Variants in CLSTN2 observed in about 807,000 individuals in gnomAD.
CLSTN2 encodes the protein calsyntenin-2.
CLSTN2 carries 48 observed loss-of-function variants against 101.2 expected under a neutral mutation model. The observed-to-expected ratio is 0.47, with a 90% CI of 0.38 to 0.60. CLSTN2 has a LOEUF of 0.60. CLSTN2 is among the 20% of genes least tolerant of loss of function. The pLI, the probability that CLSTN2 is intolerant of heterozygous loss-of-function variation, is 0.00. For synonymous variants in CLSTN2, 481 were observed against 463.6 expected (o/e 1.04, Z -0.48); for missense variants, 1,160 against 1,238.2 (o/e 0.94, Z 0.95).
chr3:140,053,788 G>A (rs1365629608), intron 1 of CLSTN2, among the ~76,000 whole-genome samples: 2 of 152,128 alleles, frequency 1.3e-5, no homozygotes, highest in Non-Finnish European at 2.9e-5. Context: ...GTGTGAAATG[G>A]AATCAATAAC....
intron 1 of CLSTN2, among the ~76,000 whole-genome samples, chr3:140,058,518 G>T (rs1008060603): frequency 6.6e-6 from 1 of 152,172 alleles, no homozygotes; most frequent in Non-Finnish European, 1.5e-5. Context: ...AGCTTGAGCT[G>T]GTTAAGTCTA....
At chr3:140,164,736 T>C (rs2010106709) in intron 1 of CLSTN2, among the ~76,000 whole-genome samples, 1 of 152,196 alleles carries the variant, frequency 6.6e-6, no homozygotes. Context: ...AGCCTTGCTC[T>C]TGGTTCAGAT....
chr3:140,443,516 G>T (rs1279559678), intron 5 of CLSTN2, among the ~76,000 whole-genome samples: 1 of 152,160 alleles, frequency 6.6e-6, no homozygotes, highest in East Asian at 1.9e-4. Flanking sequence ...ACAAAGAAGG[G>T]GTTTAAATCC....
intron 8 of CLSTN2, among the ~76,000 whole-genome samples, chr3:140,516,017 G>GT (rs1475349552): frequency 3.3e-5 from 5 of 152,148 alleles, no homozygotes; most frequent in Admixed American, 3.3e-4. Context: ...CGAAGCTGCA[G>GT]TGTTAGGTGC....
At chr3:140,230,441 A>T (rs564695224) in intron 2 of CLSTN2, among the ~76,000 whole-genome samples, 1 of 152,196 alleles carries the variant, frequency 6.6e-6, no homozygotes, top group Admixed American at 6.5e-5. Flanking sequence ...GTTTTTCCAA[A>T]ATTTATATGT....
At chr3:140,486,816 A>T (rs553660417) in intron 8 of CLSTN2, among the ~76,000 whole-genome samples, 102 of 152,360 alleles carry the variant, frequency 6.7e-4, no homozygotes, top group African/African-American at 2.4e-3. Context: ...TCACCTTCAA[A>T]CCCTGAATTG....
Position 140,403,818 on chromosome 3 carries a change from C to T in CLSTN2, c.422C>T (p.Ser141Leu), listed in dbSNP as rs1425897052. ...AGPHETAWKKSHKAVVHIQVK... is the reference protein window; with the variant it reads ...AGPHETAWKKLHKAVVHIQVK... ...CCCCACGAGACAGCCTGGAAAAAGT[C>T]ACACAAGTGAGTGGCCTGACAGAGC... is the stretch of plus-strand genomic sequence containing the variant. Residue 141 changes from serine to leucine, a missense_variant, in exon 3 of 17, where the codon TCA (serine) becomes TTA (leucine). By Grantham distance (145) the Ser-to-Leu change is moderately radical. Coordinates refer to ENST00000458420, the MANE Select transcript of CLSTN2 (RefSeq NM_022131.3). The T allele has an allele frequency of 2.5e-6, 4 of 1,609,122 alleles. No homozygotes were observed. Among genetic ancestry groups the T allele is most frequent in the Non-Finnish European group, 3.4e-6 (4 of 1,176,910 alleles).
chr3:140,079,912 A>G (rs932653786), intron 1 of CLSTN2, among the ~76,000 whole-genome samples: 1 of 152,234 alleles, frequency 6.6e-6, no homozygotes, highest in Non-Finnish European at 1.5e-5. Context: ...TTTCATGTTT[A>G]GGTCCAGTGC....
intron 2 of CLSTN2, among the ~76,000 whole-genome samples, chr3:140,386,036 C>T (rs2088048112): frequency 1.3e-5 from 2 of 152,182 alleles, no homozygotes; most frequent in South Asian, 4.1e-4. Context: ...GTTTCACCTT[C>T]AGCATGAAGG....
Position 140,385,712 on chromosome 3 carries a change from C to A in CLSTN2, c.233-17917C>A, listed in dbSNP as rs1468584091. On this transcript the variant is annotated intron_variant, in intron 2 of 16. Coordinates refer to ENST00000458420, the MANE Select transcript of CLSTN2 (RefSeq NM_022131.3). The stretch of plus-strand genomic sequence containing the variant: ...TAACCTTAAACCAGCAATTTCAGAG[C>A]GGGGCTTCTCTCTGCCTGAAGAGGC... Among the ~76,000 whole-genome samples, 3 of 152,034 alleles carry A rather than the reference C, an allele frequency of 2.0e-5. No homozygotes were observed. In the East Asian group the frequency reaches 5.8e-4, roughly 29 times the overall value.
intron 11 of CLSTN2, chr3:140,557,167 C>G (rs2107791634): frequency 6.5e-6 from 1 of 152,838 alleles, no homozygotes; most frequent in Non-Finnish European, 1.5e-5. Context: ...TTGGACAACT[C>G]ACTCACTGGC....
chr3:140,513,065 ATAACT>A, intron 8 of CLSTN2, among the ~76,000 whole-genome samples: 1 of 152,322 alleles, frequency 6.6e-6, no homozygotes, highest in South Asian at 2.1e-4. Flanking sequence ...GCAAGCAAAG[ATAACT>A]TGACTTCCTT....
chr3:140,286,051 A>G (rs1158542277), intron 2 of CLSTN2, among the ~76,000 whole-genome samples: 1 of 152,138 alleles, frequency 6.6e-6, no homozygotes, highest in African/African-American at 2.4e-5. Flanking sequence ...AGGCTCTAAG[A>G]TGAGCTACTT....
intron 2 of CLSTN2, among the ~76,000 whole-genome samples, chr3:140,318,624 G>A (rs2087252850): frequency 6.6e-6 from 1 of 152,154 alleles, no homozygotes; most frequent in African/African-American, 2.4e-5. Context: ...CATGCTATTG[G>A]CTAAACAGAC....
At chr3:140,257,955 G>A (rs2086618006) in intron 2 of CLSTN2, among the ~76,000 whole-genome samples, 2 of 151,746 alleles carry the variant, frequency 1.3e-5, no homozygotes, top group Non-Finnish European at 2.9e-5. Flanking sequence ...TTGTCATTTT[G>A]CATTTCTACT....
At chr3:140,304,305 C>T (rs1380666875) in intron 2 of CLSTN2, among the ~76,000 whole-genome samples, 6 of 152,064 alleles carry the variant, frequency 3.9e-5, no homozygotes, top group African/African-American at 1.2e-4. Flanking sequence ...CTTAGTTGGA[C>T]AGCCATAACA....
At chr3:139,963,882 A>G (rs886463367) in intron 1 of CLSTN2, among the ~76,000 whole-genome samples, 2 of 152,212 alleles carry the variant, frequency 1.3e-5, no homozygotes, top group Non-Finnish European at 2.9e-5. Flanking sequence ...GGCACATAGT[A>G]GGAGCATAGC....
At position 140,316,728 on chromosome 3, in the gene CLSTN2, G is replaced by A. The variant is rs560018994; in HGVS notation, c.233-86901G>A. 7.6e-4 allele frequency among the ~76,000 whole-genome samples: 115 copies of A among 152,256 alleles called. 2 individuals carry two copies. The highest frequency in any genetic ancestry group is 2.1e-3 in the Admixed American group (32 of 15,290). ...GAGGCTCACACATTTCCCACAGTGG[G>A]TAGTAATGTGTGACCAGAAGCTGTA... On this transcript the variant is annotated intron_variant, in intron 2 of 16. Transcript: ENST00000458420.
chr3:140,223,832 T>C (rs1287728476), intron 2 of CLSTN2, among the ~76,000 whole-genome samples: 1 of 152,206 alleles, frequency 6.6e-6, no homozygotes, highest in Non-Finnish European at 1.5e-5. Flanking sequence ...GTGCTCAGTG[T>C]TGACTTTTTC....
Sources: allele counts gnomAD v4.1 joint callset (sites outside exome capture counted in the v4.1 genomes callset), GRCh38; gene constraint gnomAD v4.1.1; transcripts MANE v1.5; gene names NCBI Gene and HGNC (gene_info 2026-07-23, HGNC 2026-07-21).